CHRM3: variants seen among roughly 807,000 people sequenced by gnomAD.
CHRM3 encodes the protein muscarinic acetylcholine receptor M3.
In CHRM3, 11 loss-of-function variants were observed where a neutral mutation model predicts 41.8. The observed-to-expected ratio is 0.26, with a 90% confidence interval of 0.17 to 0.44. The LOEUF (loss-of-function observed/expected upper bound fraction) is 0.44. CHRM3 is among the 20% of genes least tolerant of loss of function. The pLI, the probability that CHRM3 is intolerant of heterozygous loss-of-function variation, is 1.00. For missense variants in CHRM3, 571 were observed against 745.4 expected (o/e 0.77, Z 2.72); for synonymous variants, 297 against 301.4 (o/e 0.99, Z 0.15).
chr1:239,761,988 C>T (rs948402898), intron 5 of CHRM3, among the ~76,000 whole-genome samples: 25 of 152,154 alleles, frequency 1.6e-4, no homozygotes, highest in African/African-American at 3.6e-4. Context: ...AGCTCTCTCC[C>T]GGGAGTAGAC....
At chr1:239,514,518 G>A (rs1669134424) in intron 2 of CHRM3, among the ~76,000 whole-genome samples, 1 of 151,864 alleles carries the variant, frequency 6.6e-6, no homozygotes, top group African/African-American at 2.4e-5. Flanking sequence ...GTTTTGTGTT[G>A]ATTCTACTGG....
At chr1:239,736,523 G>A (rs1016077826) in intron 5 of CHRM3, among the ~76,000 whole-genome samples, 1 of 152,042 alleles carries the variant, frequency 6.6e-6, no homozygotes, top group Non-Finnish European at 1.5e-5. Context: ...TAGGGGCATT[G>A]GTGTGGAAAT....
chr1:239,676,134 G>A (rs1657979272), intron 4 of CHRM3, among the ~76,000 whole-genome samples: 2 of 152,156 alleles, frequency 1.3e-5, no homozygotes, highest in African/African-American at 4.8e-5. Context: ...CTAACTTCTT[G>A]TCAGCATCAA....
At chr1:239,628,951 TTTTG>T (rs1177863039) in intron 3 of CHRM3, 3 of 61,940 alleles carry the variant, frequency 4.8e-5, no homozygotes, top group Non-Finnish European at 9.4e-5. Context: ...ACTGCTGTCT[TTTTG>T]TTTGTCTGTG....
intron 5 of CHRM3, among the ~76,000 whole-genome samples, chr1:239,807,878 G>T (rs949284191): frequency 2.0e-5 from 3 of 151,634 alleles, no homozygotes; most frequent in African/African-American, 7.3e-5. Flanking sequence ...ATCCCAAAAT[G>T]CTGGGATATT....
intron 3 of CHRM3, among the ~76,000 whole-genome samples, chr1:239,568,339 A>C: frequency 6.6e-6 from 1 of 152,188 alleles, no homozygotes; most frequent in South Asian, 2.1e-4. Flanking sequence ...TTCTTGTCTT[A>C]GTGAGTAAGT....
At chr1:239,506,356 G>A (rs1293670079) in intron 2 of CHRM3, among the ~76,000 whole-genome samples, 2 of 152,136 alleles carry the variant, frequency 1.3e-5, no homozygotes, top group Non-Finnish European at 2.9e-5. Flanking sequence ...TTGGTATCCT[G>A]TGTTCTAGCC....
intron 5 of CHRM3, among the ~76,000 whole-genome samples, chr1:239,773,063 T>C (rs559853272): frequency 6.4e-4 from 98 of 152,258 alleles, no homozygotes; most frequent in Non-Finnish European, 1.0e-3. Flanking sequence ...AGTGATATGA[T>C]AGGGAGATTT....
chr1:239,390,821 G>A (rs1658969020), intron 1 of CHRM3, among the ~76,000 whole-genome samples: 1 of 152,184 alleles, frequency 6.6e-6, no homozygotes, highest in African/African-American at 2.4e-5. Flanking sequence ...CTCCATTAGT[G>A]TTGTCTTCAA....
chr1:239,584,198 G>A (rs1016018401), intron 3 of CHRM3, among the ~76,000 whole-genome samples: 3 of 150,924 alleles, frequency 2.0e-5, no homozygotes, highest in African/African-American at 7.4e-5. Context: ...CCGCCTCCTG[G>A]GTTCAAGTGA....
At chr1:239,851,864 C>G (rs1271683788) in intron 6 of CHRM3, among the ~76,000 whole-genome samples, 5 of 152,096 alleles carry the variant, frequency 3.3e-5, no homozygotes, top group African/African-American at 1.2e-4. Flanking sequence ...AAAGGCTTTC[C>G]TATCATCTCG....
At chr1:239,782,567 A>G (rs1269646777) in intron 5 of CHRM3, among the ~76,000 whole-genome samples, 1 of 152,022 alleles carries the variant, frequency 6.6e-6, no homozygotes, top group African/African-American at 2.4e-5. Context: ...TTTTCAGTTT[A>G]GTTGATATTC....
rs967670002 is a variant in CHRM3 at position 239,436,542 on chromosome 1, C to T, written c.-521+49315C>T. ...AGTTTTATGTGTCCCTTTGAATCGCCGGCTCTGCTTGTTCATCTGTCTCAC... is the reference window on the plus strand; with the variant it reads ...AGTTTTATGTGTCCCTTTGAATCGCTGGCTCTGCTTGTTCATCTGTCTCAC... On this transcript the variant is annotated intron_variant, in intron 1 of 6. Transcript: ENST00000676153. 1.1e-4 allele frequency among the ~76,000 whole-genome samples: 16 copies of T among 151,826 alleles called. 1 individual carries two copies. The highest frequency in any genetic ancestry group is 3.4e-4 in the African/African-American group (14 of 41,304).
At chr1:239,703,821 A>G (rs982227590) in intron 5 of CHRM3, 1 of 152,192 alleles carries the variant, frequency 6.6e-6, no homozygotes, top group Non-Finnish European at 1.5e-5. Flanking sequence ...TGAGGAATAA[A>G]ATATAATGGA....
At chr1:239,825,768 G>A (rs1332143826) in intron 5 of CHRM3, among the ~76,000 whole-genome samples, 1 of 152,044 alleles carries the variant, frequency 6.6e-6, no homozygotes, top group African/African-American at 2.4e-5. Context: ...AGGATGGAGT[G>A]CAGTGGTGCG....
chr1:239,519,991 C>T (rs1162373748), intron 2 of CHRM3, among the ~76,000 whole-genome samples: 4 of 152,196 alleles, frequency 2.6e-5, no homozygotes, highest in Admixed American at 1.3e-4. Flanking sequence ...TCGTGATCTG[C>T]TCGCCTCGGC....
chr1:239,834,794 CT>C (rs1342892823), intron 6 of CHRM3, among the ~76,000 whole-genome samples: 1 of 151,894 alleles, frequency 6.6e-6, no homozygotes, highest in Non-Finnish European at 1.5e-5. Flanking sequence ...TCAGATTTCA[CT>C]TTTTTCTACC....
chr1:239,614,703 A>G (rs1260814165), intron 3 of CHRM3, among the ~76,000 whole-genome samples: 3 of 152,176 alleles, frequency 2.0e-5, no homozygotes, highest in African/African-American at 4.8e-5. Flanking sequence ...CAGATTTCCA[A>G]TGATGTTTGC....
intron 1 of CHRM3, among the ~76,000 whole-genome samples, chr1:239,424,827 T>G (rs1314555248): frequency 6.6e-6 from 1 of 152,178 alleles, no homozygotes; most frequent in Non-Finnish European, 1.5e-5. Flanking sequence ...GTAGGGCTCT[T>G]TAAGCCACAT....
Sources: gnomAD v4.1 joint callset for allele counts (sites outside exome capture counted in the v4.1 genomes callset) on GRCh38, gnomAD v4.1.1 for gene constraint, MANE v1.5 for transcripts, NCBI Gene and HGNC (gene_info 2026-07-23, HGNC 2026-07-21) for gene names.